Variants in EYS observed in about 807,000 individuals in gnomAD.
The protein encoded by EYS is EGF-like photoreceptor maintenance factor.
EYS carries 250 observed loss-of-function variants against 282.1 expected under a neutral mutation model. That is an observed-to-expected ratio of 0.89 (90% confidence interval 0.80 to 0.98). The LOEUF is 0.98. Ranked by LOEUF, EYS falls within the 50% of genes least tolerant of loss-of-function variation. The probability of loss-of-function intolerance (pLI) is 0.00; values close to 1 mark genes in which losing one functional copy is unlikely to be tolerated. For missense variants in EYS, 4,016 were observed against 3,709.0 expected (o/e 1.08, Z -2.15); for synonymous variants, 1,355 against 1,282.9 (o/e 1.06, Z -1.20).
chr6:64,750,796 G>C (rs1772721285), intron 22 of EYS, among the ~76,000 whole-genome samples: 1 of 152,100 alleles, frequency 6.6e-6, no homozygotes, highest in Non-Finnish European at 1.5e-5. Flanking sequence ...GAAAAGCAAA[G>C]GACACTTCAG....
At chr6:64,784,549 T>G (rs113605074) in intron 22 of EYS, among the ~76,000 whole-genome samples, 44 of 152,302 alleles carry the variant, frequency 2.9e-4, no homozygotes, top group African/African-American at 1.1e-3. Context: ...CATTGTTATG[T>G]CCTCTGAACC....
chr6:65,152,752 T>A (rs1419972648), intron 12 of EYS, among the ~76,000 whole-genome samples: 1 of 151,454 alleles, frequency 6.6e-6, no homozygotes, highest in Non-Finnish European at 1.5e-5. Context: ...AGTTCAGCCA[T>A]GAAATAAAAT....
At chr6:64,327,418 G>C (rs142159211) in intron 29 of EYS, among the ~76,000 whole-genome samples, 160 of 152,218 alleles carry the variant, frequency 1.1e-3, no homozygotes, top group African/African-American at 3.8e-3. Context: ...ATGATATTGG[G>C]TTATGCTAAC....
At chr6:64,750,903 A>G (rs1033596629) in intron 22 of EYS, among the ~76,000 whole-genome samples, 4 of 152,208 alleles carry the variant, frequency 2.6e-5, no homozygotes, top group Non-Finnish European at 5.9e-5. Flanking sequence ...AGTCCCCCTG[A>G]GCTGCCCCTC....
At chr6:64,564,806 G>A (rs1582899909) in intron 26 of EYS, among the ~76,000 whole-genome samples, 1 of 150,090 alleles carries the variant, frequency 6.7e-6, no homozygotes, top group East Asian at 2.0e-4. Context: ...GGGGTCGGGG[G>A]CTAGGGGAGG....
chr6:64,167,118 T>TC (rs1242865233), intron 31 of EYS, among the ~76,000 whole-genome samples: 6 of 152,236 alleles, frequency 3.9e-5, no homozygotes, highest in Admixed American at 2.6e-4. Flanking sequence ...ATTTAGATGC[T>TC]CTAAATCTTT....
intron 35 of EYS, among the ~76,000 whole-genome samples, chr6:63,944,967 T>A (rs764645739): frequency 6.6e-6 from 1 of 151,966 alleles, no homozygotes; most frequent in Non-Finnish European, 1.5e-5. Flanking sequence ...AAAAGAAGTA[T>A]ATTTACACAT....
intron 14 of EYS, among the ~76,000 whole-genome samples, chr6:64,960,787 C>T (rs1359765667): frequency 6.6e-6 from 1 of 152,018 alleles, no homozygotes; most frequent in Non-Finnish European, 1.5e-5. Context: ...TTTCCTGATC[C>T]TCTCCCTACT....
At chr6:65,435,687 G>T (rs1476491585) in intron 5 of EYS, among the ~76,000 whole-genome samples, 3 of 152,060 alleles carry the variant, frequency 2.0e-5, no homozygotes, top group African/African-American at 7.2e-5. Context: ...GGACTGAATT[G>T]TGTCCTTGTC....
chr6:65,179,566 AG>A (rs1765319640), intron 12 of EYS, among the ~76,000 whole-genome samples: 1 of 151,298 alleles, frequency 6.6e-6, no homozygotes, highest in South Asian at 2.1e-4. Flanking sequence ...AGGCAATAAC[AG>A]CTTAGCAACC....
rs368805533 is a variant in EYS at position 64,884,853 on chromosome 6, T to C, written c.2992+1844A>G. On this transcript the variant is annotated intron_variant, in intron 19 of 42. Transcript: ENST00000503581. The stretch of plus-strand genomic sequence containing the variant: ...CTGAAAGTGGTACACTTTTAATTTC[T>C]TATCTTCCACTGAACCTAAAAATGG... Among the ~76,000 whole-genome samples, 142 of 151,818 alleles carry C rather than the reference T, an allele frequency of 9.4e-4. 4 individuals carry two copies. The South Asian group carries it at 0.021, about 23-fold the overall frequency.
chr6:64,444,822 C>T (rs1339648520), intron 26 of EYS, among the ~76,000 whole-genome samples: 1 of 152,170 alleles, frequency 6.6e-6, no homozygotes, highest in African/African-American at 2.4e-5. Flanking sequence ...ACTCTGAGTT[C>T]ACATGATATA....
At chr6:65,496,492 A>C (rs75213724) in intron 2 of EYS, among the ~76,000 whole-genome samples, 1,636 of 152,040 alleles carry the variant, frequency 0.011, 26 homozygotes, top group African/African-American at 0.037. Context: ...TTTTGAGAGG[A>C]AAGGTAAATG....
intron 12 of EYS, among the ~76,000 whole-genome samples, chr6:65,150,861 G>A (rs937183198): frequency 6.6e-6 from 1 of 151,574 alleles, no homozygotes; most frequent in Admixed American, 6.6e-5. Context: ...CTATCTATTT[G>A]CTCCCTTGGG....
intron 2 of EYS, among the ~76,000 whole-genome samples, chr6:65,542,766 A>G (rs1768216478): frequency 6.6e-6 from 1 of 152,182 alleles, no homozygotes; most frequent in African/African-American, 2.4e-5. Flanking sequence ...CAACATTAAA[A>G]ATGACATTGG....
chr6:64,828,862 T>A (rs1423490307), intron 19 of EYS, among the ~76,000 whole-genome samples: 1 of 151,834 alleles, frequency 6.6e-6, no homozygotes, highest in South Asian at 2.1e-4. Flanking sequence ...AAGTCTGAGG[T>A]TGGTTCATGG....
chr6:65,402,625 T>G lies in EYS; in HGVS notation c.1057-20A>C, dbSNP rs200622740. 1 of 1,506,818 alleles carries G rather than the reference T, an allele frequency of 6.6e-7. No individual in the cohort carries two copies. The highest frequency in any genetic ancestry group is 1.7e-5 in the Admixed American group (1 of 59,346). 93.3% of individuals were successfully genotyped at this position (1,506,818 alleles called of 1,614,324 possible). A position where few individuals can be genotyped will look rare whatever the true frequency, so the allele number is the denominator to read the frequency against. On this transcript the variant is annotated intron_variant, in intron 6 of 42. Coordinates refer to ENST00000503581, the MANE Select transcript of EYS (RefSeq NM_001142800.2). Reference sequence around the variant, plus strand: ...AACATCCTAGGAAAGATTAAAAAAATATTTTTACAAAGTATTATGGATATT... The same window carrying G: ...AACATCCTAGGAAAGATTAAAAAAAGATTTTTACAAAGTATTATGGATATT...
rs1177088838 is a variant in EYS, at chr6:63,789,111, G to A, written c.7525C>T (p.Leu2509Phe). 1 of 1,551,580 alleles carries A rather than the reference G, an allele frequency of 6.4e-7. No individual in the cohort carries two copies. The highest frequency in any genetic ancestry group is 1.4e-5 in the African/African-American group (1 of 73,032). The change falls in exon 38 of 43, where the codon CTT becomes TTT. Residue 2509 changes from leucine to phenylalanine, a missense_variant. By Grantham distance (22) the Leu-to-Phe change is conservative. Coordinates refer to ENST00000503581, the MANE Select transcript of EYS (RefSeq NM_001142800.2). Reference sequence around the variant, plus strand: ...CCCAGATGAACAGTGTGGACTCCAAGGCTCAGATTGAGGGGCTCGCTCCTG... The same window carrying A: ...CCCAGATGAACAGTGTGGACTCCAAAGCTCAGATTGAGGGGCTCGCTCCTG... ...SIRSEPLNLS[L>F]GVHTVHLGKF...
At chr6:64,675,336 T>C (rs1769613429) in intron 22 of EYS, among the ~76,000 whole-genome samples, 2 of 152,062 alleles carry the variant, frequency 1.3e-5, no homozygotes, top group Admixed American at 6.6e-5. Flanking sequence ...ATAAATGCAA[T>C]AGCAAAATAA....
Sources: allele counts gnomAD v4.1 joint callset (sites outside exome capture counted in the v4.1 genomes callset), GRCh38; gene constraint gnomAD v4.1.1; transcripts MANE v1.5; gene names NCBI Gene and HGNC (gene_info 2026-07-23, HGNC 2026-07-21).